The following LRP4 variants were observed in gnomAD, a reference collection of about 807,000 sequenced individuals.
LRP4 encodes the protein LDL receptor related protein 4.
LRP4 carries 95 observed loss-of-function variants against 220.3 expected under a neutral mutation model. The observed-to-expected ratio is 0.43, with a 90% CI of 0.37 to 0.51. The LOEUF (loss-of-function observed/expected upper bound fraction) is 0.51, where lower values mean the gene tolerates loss of function less well. LRP4 is among the 20% of genes least tolerant of loss of function. The probability of loss-of-function intolerance (pLI) is 0.00; values close to 1 mark genes in which losing one functional copy is unlikely to be tolerated. For missense variants in LRP4, 1,925 were observed against 2,567.0 expected (o/e 0.75, Z 5.40); for synonymous variants, 903 against 954.6 (o/e 0.95, Z 1.00).
Position 46,868,976 on chromosome 11 carries a change from C to T in LRP4, c.4837+12G>A. ...GATGTTAAGGAAGCAGGCTCAGTACCCGGGAGCCCACCTGTCTGCCGCTGA... is the reference window on the plus strand; with the variant it reads ...GATGTTAAGGAAGCAGGCTCAGTACTCGGGAGCCCACCTGTCTGCCGCTGA... On this transcript the variant is annotated intron_variant, in intron 32 of 37. Transcript: ENST00000378623. 1 of 1,614,124 alleles carries T rather than the reference C, an allele frequency of 6.2e-7. No homozygotes were observed. The highest frequency in any genetic ancestry group is 8.5e-7 in the Non-Finnish European group (1 of 1,180,022).
intron 34 of LRP4, among the ~76,000 whole-genome samples, chr11:46,866,945 GAAAA>G (rs1026365735): frequency 6.6e-6 from 1 of 151,364 alleles, no homozygotes; most frequent in Non-Finnish European, 1.5e-5. Flanking sequence ...AAAGAAAAAA[GAAAA>G]AAAAGAATGT....
intron 18 of LRP4, 129 bp from the exon 19 acceptor site, chr11:46,884,105 A>G (rs1271235993): frequency 1.4e-6 from 1 of 728,584 alleles, no homozygotes; most frequent in Non-Finnish European, 2.5e-6. Flanking sequence ...ATTTTGTGAC[A>G]GATGCACAAC....
At chr11:46,871,464 T>C in intron 31 of LRP4, 61 bp downstream of exon 31, 2 of 1,172,538 alleles carry the variant, frequency 1.7e-6, no homozygotes, top group Non-Finnish European at 1.3e-6. Context: ...ACTGCTGACT[T>C]AGAACCCCAA....
At chr11:46,882,037 C>T in intron 19 of LRP4, 134 bp from the exon 20 acceptor site, 1 of 806,068 alleles carries the variant, frequency 1.2e-6, no homozygotes, top group South Asian at 1.5e-5. Flanking sequence ...AGTGTCCAGC[C>T]CAGCTCTGGG....
rs746443411 is a variant in LRP4, at chr11:46,896,860, A to G, written c.922+9T>C. On this transcript the variant is annotated intron_variant, in intron 8 of 37. Coordinates refer to ENST00000378623, the MANE Select transcript of LRP4 (RefSeq NM_002334.4). ...GCTAAGGGTTCTGGGGCACCCCGGG[A>G]GACACCACCTGTATTCTCACAGTTC... 3.7e-6 allele frequency: 6 copies of G among 1,614,104 alleles called. No homozygotes were observed. The East Asian group carries it at 1.1e-4, about 30-fold the overall frequency.
rs538311558 is a variant in LRP4, at chr11:46,891,269, A to G, written c.1698-775T>C. The stretch of plus-strand genomic sequence containing the variant: ...GCTGGAATTACAGGCACCCGCCACC[A>G]TGCCCAGCTAATTTTTGTATTTTTA... On this transcript the variant is annotated intron_variant, in intron 13 of 37. Coordinates refer to ENST00000378623, the MANE Select transcript of LRP4 (RefSeq NM_002334.4). Among the ~76,000 whole-genome samples, 103 of 152,086 alleles carry G rather than the reference A, an allele frequency of 6.8e-4. 1 individual carries two copies. Among genetic ancestry groups the G allele is most frequent in the African/African-American group, 2.4e-3 (99 of 41,450 alleles).
At position 46,873,335 on chromosome 11, in the gene LRP4, C is replaced by T. The variant is rs1940919512; in HGVS notation, c.4448+40G>A. ...ACTAACACCATCTTTCCACCCAGCC[C>T]TTCTTCCCTGGATCTCTCTTCTGCT... On this transcript the variant is annotated intron_variant, in intron 29 of 37. Coordinates refer to ENST00000378623, the MANE Select transcript of LRP4 (RefSeq NM_002334.4). The surrounding 1 kb of genome is among the most constrained non-coding windows in gnomAD (Gnocchi z 4.2). 2 of 1,612,622 alleles carry T rather than the reference C, an allele frequency of 1.2e-6. No individual in the cohort carries two copies. Among genetic ancestry groups the T allele is most frequent in the Non-Finnish European group, 1.7e-6 (2 of 1,179,126 alleles).
Position 46,871,606 on chromosome 11 carries a change from G to A in LRP4, c.4611C>T (p.Asp1537=). Residue 1537 remains aspartate, a synonymous_variant, in exon 31 of 38, where the codon GAC becomes GAT. Transcript: ENST00000378623. Reference sequence around the variant, plus strand: ...CATTGAGGTCAGCACTCTCGATCCGGTCCAGATGCGCATCCACCCAGTAGA... The same window carrying A: ...CATTGAGGTCAGCACTCTCGATCCGATCCAGATGCGCATCCACCCAGTAGA... ...RRIYWVDAHL[D]RIESADLNGK... The A allele has an allele frequency of 6.2e-7, 1 of 1,612,504 alleles. No homozygotes were observed. The highest frequency in any genetic ancestry group is 8.5e-7 in the Non-Finnish European group (1 of 1,179,236).
intron 18 of LRP4, 131 bp downstream of exon 18, chr11:46,885,960 G>A: frequency 1.2e-6 from 1 of 812,274 alleles, no homozygotes. Flanking sequence ...TCCGGCTTCT[G>A]ACCTACCAAG....
chr11:46,885,419 GCT>G (rs1257227736), intron 18 of LRP4, among the ~76,000 whole-genome samples: 7 of 152,102 alleles, frequency 4.6e-5, no homozygotes, highest in Non-Finnish European at 8.8e-5. Flanking sequence ...CAGCAACCAC[GCT>G]CTGAGTAGCA....
At chr11:46,883,822 G>C (rs1941217438) in intron 19 of LRP4, 49 bp downstream of exon 19, 2 of 1,394,772 alleles carry the variant, frequency 1.4e-6, no homozygotes, top group Non-Finnish European at 1.0e-6. Context: ...CTGGAGCTCA[G>C]ATCTTGGGAG....
intron 1 of LRP4, among the ~76,000 whole-genome samples, chr11:46,909,606 C>T (rs11039026): frequency 0.23 from 16,499 of 71,536 alleles, 2,019 homozygotes; most frequent in East Asian, 0.69. Context: ...AGCGAGACTC[C>T]GTCTCAAAAA....
chr11:46,907,541 G>A (rs1275315189), intron 1 of LRP4, among the ~76,000 whole-genome samples: 1 of 152,110 alleles, frequency 6.6e-6, no homozygotes, highest in African/African-American at 2.4e-5. Context: ...GATTACTTGC[G>A]ATTTCTTTTT....
Position 46,875,863 on chromosome 11 carries a change from T to C in LRP4, c.3640A>G (p.Asn1214Asp). The C allele has an allele frequency of 6.2e-7, 1 of 1,614,068 alleles. No homozygotes were observed. Residue 1214 changes from asparagine (N) to aspartate (D), a missense_variant, in exon 26 of 38, where the codon AAT (asparagine) becomes GAT (aspartate). Around this residue, in one of 3 missense-constraint regions of LRP4, gnomAD observed 1,244 missense variants for 1,624.9 expected, o/e 0.77. Coordinates refer to ENST00000378623, the MANE Select transcript of LRP4 (RefSeq NM_002334.4). The surrounding 1 kb of genome is among the most constrained non-coding windows in gnomAD (Gnocchi z 4.5). ...CTGGCCTTGTCCACAGTCAGTCCAT[T>C]GGGCCATCCTAGGTTGTTGTTGATG... ...VLINNNLGWP[N>D]GLTVDKASSQ... is the part of the protein sequence containing the mutation.
rs1390317255 is a variant in LRP4 at position 46,893,726 on chromosome 11, A to G, written c.1541-597T>C. On this transcript the variant is annotated intron_variant, in intron 12 of 37. Transcript: ENST00000378623. ...GAGTTTCTCCTTCCTCAGCCTCCCA[A>G]GTAGCTGGGATTACAGGCATTTGCC... Among the ~76,000 whole-genome samples the G allele has an allele frequency of 3.3e-5, 5 of 152,158 alleles. No individual in the cohort carries two copies. The East Asian group carries it at 9.6e-4, about 29-fold the overall frequency.
chr11:46,909,955 G>A (rs571534004), intron 1 of LRP4, among the ~76,000 whole-genome samples: 1 of 152,000 alleles, frequency 6.6e-6, no homozygotes, highest in African/African-American at 2.4e-5. Flanking sequence ...TGTATTATCC[G>A]GCTGTGAAAC....
Position 46,902,946 on chromosome 11 carries a change from G to T in LRP4, c.53-17C>A, listed in dbSNP as rs1382230960. On this transcript the variant is annotated splice_polypyrimidine_tract_variant and intron_variant, in intron 1 of 37. Coordinates refer to ENST00000378623, the MANE Select transcript of LRP4 (RefSeq NM_002334.4). ...TGGCCAGGCCTGGGCGGAGGGAAAAGGAATCAGTGAGGGCTCAGCTCCCAC... is the reference window on the plus strand; with the variant it reads ...TGGCCAGGCCTGGGCGGAGGGAAAATGAATCAGTGAGGGCTCAGCTCCCAC... 2 of 1,613,858 alleles carry T rather than the reference G, an allele frequency of 1.2e-6. No individual in the cohort carries two copies. The highest frequency in any genetic ancestry group is 1.7e-5 in the Admixed American group (1 of 60,022).
At position 46,875,552 on chromosome 11, in the gene LRP4, G is replaced by C; in HGVS notation, c.3829C>G (p.Arg1277Gly). Reference sequence around the variant, plus strand: ...TTGCTGCCAGTACCCTTGTCAGCACGGTGGATGCTCCGAGTCTGCCAGTCA... The same window carrying C: ...TTGCTGCCAGTACCCTTGTCAGCACCGTGGATGCTCCGAGTCTGCCAGTCA... ...WTDWQTRSIHRADKGTGSNVI... is the reference protein window; with the variant it reads ...WTDWQTRSIHGADKGTGSNVI... The change falls in exon 27 of 38, where the codon CGT (arginine) becomes GGT (glycine). Residue 1277 changes from arginine (R) to glycine (G), a missense_variant. Coordinates refer to ENST00000378623, the MANE Select transcript of LRP4 (RefSeq NM_002334.4). The surrounding 1 kb of genome is among the most constrained non-coding windows in gnomAD (Gnocchi z 4.5). 2.5e-6 allele frequency: 4 copies of C among 1,614,116 alleles called. No individual in the cohort carries two copies. Among genetic ancestry groups the C allele is most frequent in the Non-Finnish European group, 3.4e-6 (4 of 1,180,014 alleles).
At chr11:46,910,222 G>C (rs1010528460) in intron 1 of LRP4, among the ~76,000 whole-genome samples, 2 of 152,156 alleles carry the variant, frequency 1.3e-5, no homozygotes, top group Non-Finnish European at 2.9e-5. Flanking sequence ...ATAATGTTAA[G>C]CACGGAGGAA....
Sources: allele counts gnomAD v4.1 joint callset (sites outside exome capture counted in the v4.1 genomes callset), GRCh38; gene constraint gnomAD v4.1.1; regional missense constraint gnomAD v4.1.1; non-coding constraint Gnocchi (gnomAD v3.1); transcripts MANE v1.5; gene names NCBI Gene and HGNC (gene_info 2026-07-23, HGNC 2026-07-21).